NRXN1: variants seen among roughly 807,000 people sequenced by gnomAD.
NRXN1 encodes neurexin-1.
NRXN1 carries 39 observed loss-of-function variants against 150.9 expected under a neutral mutation model. The ratio of observed to expected loss-of-function variants is 0.26; its 90% CI spans 0.20 to 0.34. The LOEUF is 0.34. Among genes scored for constraint, NRXN1 ranks in the 10% least tolerant of loss-of-function variants. NRXN1 has a pLI of 1.00. For missense variants in NRXN1, 1,815 were observed against 1,949.9 expected (o/e 0.93, Z 1.30); for synonymous variants, 924 against 757.0 (o/e 1.22, Z -3.62).
chr2:50,374,345 G>T (rs938453526), intron 17 of NRXN1, among the ~76,000 whole-genome samples: 10 of 131,314 alleles, frequency 7.6e-5, no homozygotes, highest in African/African-American at 2.8e-4. Context: ...AAATAAAATT[G>T]GGTGATGATT....
chr2:50,491,572 G>A (rs367958232), intron 15 of NRXN1, among the ~76,000 whole-genome samples: 50 of 152,294 alleles, frequency 3.3e-4, no homozygotes, highest in African/African-American at 1.1e-3. Flanking sequence ...AAGATCAGAA[G>A]ACAATGAAGA....
intron 21 of NRXN1, among the ~76,000 whole-genome samples, chr2:49,996,524 T>C (rs937209574): frequency 1.3e-5 from 2 of 152,192 alleles, no homozygotes; most frequent in Admixed American, 6.5e-5. Flanking sequence ...TAATTAAGAC[T>C]CTTGAGTTGG....
intron 5 of NRXN1, among the ~76,000 whole-genome samples, chr2:50,730,460 C>G (rs1174942100): frequency 6.6e-6 from 1 of 152,030 alleles, no homozygotes. Context: ...AATGTGTTCC[C>G]TCTGTCCAGT....
rs1558874986 is a variant in NRXN1 at position 50,098,866 on chromosome 2, T to TGG, written c.3547-7373_3547-7372insCC. On this transcript the variant is annotated intron_variant, in intron 18 of 22. Coordinates refer to ENST00000401669, the MANE Select transcript of NRXN1 (RefSeq NM_001330078.2). ...TTTTTTTTTTTTTTTTTTTTTTTTT[T>TGG]TTTTTTTTTTTTTTTTGGCTAGTTA... Among the ~76,000 whole-genome samples, 42 of 107,646 alleles carry TGG rather than the reference T, an allele frequency of 3.9e-4. 4 individuals carry two copies. The highest frequency in any genetic ancestry group is 1.4e-3 in the African/African-American group (41 of 29,142). 70.6% of individuals were successfully genotyped at this position (107,646 alleles called of 152,430 possible).
At chr2:50,916,835 G>C (rs530977776) in intron 5 of NRXN1, 1 of 151,622 alleles carries the variant, frequency 6.6e-6, no homozygotes, top group African/African-American at 2.4e-5. Context: ...ATTCAAGCTG[G>C]GACTTTTATT....
intron 21 of NRXN1, among the ~76,000 whole-genome samples, chr2:49,946,706 A>G (rs952602946): frequency 6.6e-6 from 1 of 151,992 alleles, no homozygotes; most frequent in Non-Finnish European, 1.5e-5. Flanking sequence ...AGAACTAGAA[A>G]AAACTACTTT....
At chr2:50,819,970 G>A (rs1304761497) in intron 5 of NRXN1, among the ~76,000 whole-genome samples, 1 of 151,976 alleles carries the variant, frequency 6.6e-6, no homozygotes, top group African/African-American at 2.4e-5. Flanking sequence ...CTGCTCACTT[G>A]TTAATACACA....
At chr2:50,778,790 C>G (rs1185743342) in intron 5 of NRXN1, among the ~76,000 whole-genome samples, 3 of 152,216 alleles carry the variant, frequency 2.0e-5, no homozygotes, top group Non-Finnish European at 4.4e-5. Context: ...TCGTTTGTTA[C>G]AAAGGTGACA....
intron 5 of NRXN1, chr2:50,916,954 CT>C (rs1685294024): frequency 6.6e-6 from 1 of 151,606 alleles, no homozygotes; most frequent in Non-Finnish European, 1.5e-5. Context: ...AACATGTAAG[CT>C]AAAGATGAAC....
intron 5 of NRXN1, among the ~76,000 whole-genome samples, chr2:50,915,978 T>C (rs1470096145): frequency 6.7e-6 from 1 of 148,200 alleles, no homozygotes; most frequent in Non-Finnish European, 1.5e-5. Context: ...TCAGGACTAT[T>C]ACCCATCAGT....
chr2:50,318,383 C>T (rs776890588), intron 17 of NRXN1, among the ~76,000 whole-genome samples: 5 of 152,080 alleles, frequency 3.3e-5, no homozygotes, highest in African/African-American at 7.2e-5. Context: ...TTACTAGGAA[C>T]GTTACATGTG....
At chr2:50,562,003 CA>C (rs1232427729) in intron 8 of NRXN1, among the ~76,000 whole-genome samples, 1 of 152,056 alleles carries the variant, frequency 6.6e-6, no homozygotes, top group Admixed American at 6.5e-5. Flanking sequence ...CTGCTTTATC[CA>C]AAAAACTTTT....
intron 5 of NRXN1, among the ~76,000 whole-genome samples, chr2:50,834,173 C>G (rs1292790493): frequency 1.3e-5 from 2 of 151,852 alleles, no homozygotes; most frequent in Non-Finnish European, 2.9e-5. Flanking sequence ...GAGAAGTAGT[C>G]AAAAGACTAA....
chr2:50,803,192 A>G, intron 5 of NRXN1, among the ~76,000 whole-genome samples: 1 of 152,226 alleles, frequency 6.6e-6, no homozygotes, highest in Non-Finnish European at 1.5e-5. Context: ...GATTACATTT[A>G]CATACAATTT....
chr2:49,956,348 G>A (rs867750160), intron 21 of NRXN1, among the ~76,000 whole-genome samples: 4 of 152,214 alleles, frequency 2.6e-5, no homozygotes, highest in Admixed American at 6.5e-5. Context: ...ATTAGAAAAG[G>A]TATCAATTTG....
intron 17 of NRXN1, among the ~76,000 whole-genome samples, chr2:50,448,990 C>T (rs2086717874): frequency 6.6e-6 from 1 of 152,164 alleles, no homozygotes; most frequent in African/African-American, 2.4e-5. Context: ...CTGACTCTCA[C>T]ATTATTACTG....
rs1396118549 is a variant in NRXN1 at position 49,982,573 on chromosome 2, TATTTGTATA to T, written c.4129-38791_4129-38783del. On this transcript the variant is annotated intron_variant, in intron 21 of 22. Transcript: ENST00000401669. ...TTTTTATTTCAAATTCTTCATTTCT[TATTTGTATA>T]GTTTGAATAGTTATAGTAATAAAGA... Among the ~76,000 whole-genome samples the T allele has an allele frequency of 5.3e-5, 8 of 152,226 alleles. No homozygotes were observed. In the East Asian group the frequency reaches 1.4e-3, roughly 26 times the overall value.
intron 17 of NRXN1, among the ~76,000 whole-genome samples, chr2:50,264,213 A>G (rs1235363998): frequency 2.6e-5 from 4 of 152,108 alleles, no homozygotes; most frequent in African/African-American, 9.6e-5. Flanking sequence ...TTAAAGAAAA[A>G]CAGTGAAACA....
chr2:50,097,327 AG>A (rs892801778), intron 18 of NRXN1, among the ~76,000 whole-genome samples: 1 of 152,180 alleles, frequency 6.6e-6, no homozygotes, highest in African/African-American at 2.4e-5. Context: ...CCAGTACTCC[AG>A]GGCCCCACTT....
Sources: allele counts gnomAD v4.1 joint callset (sites outside exome capture counted in the v4.1 genomes callset), GRCh38; gene constraint gnomAD v4.1.1; transcripts MANE v1.5; gene names NCBI Gene and HGNC (gene_info 2026-07-23, HGNC 2026-07-21).